Variants in TSPAN5 observed in about 807,000 individuals in gnomAD.
The protein encoded by TSPAN5 is tetraspanin-5.
Under a neutral mutation model 37.1 loss-of-function variants are expected in TSPAN5, and 10 were observed. That is an observed-to-expected ratio of 0.27 (90% CI 0.17 to 0.46). The LOEUF is 0.46. Ranked by LOEUF, TSPAN5 falls within the 20% of genes least tolerant of loss-of-function variation. The probability of loss-of-function intolerance (pLI) is 1.00; values close to 1 mark genes in which losing one functional copy is unlikely to be tolerated. For synonymous variants in TSPAN5, 110 were observed against 118.9 expected (o/e 0.93, Z 0.48); for missense variants, 195 against 326.6 (o/e 0.60, Z 3.11).
intron 1 of TSPAN5, among the ~76,000 whole-genome samples, chr4:98,554,207 T>G (rs1279990394): frequency 6.6e-6 from 1 of 152,214 alleles, no homozygotes; most frequent in Non-Finnish European, 1.5e-5. Context: ...ACTTCAACAA[T>G]AACATTTTCC....
chr4:98,608,168 C>T (rs908527230), intron 1 of TSPAN5, among the ~76,000 whole-genome samples: 4 of 152,166 alleles, frequency 2.6e-5, no homozygotes, highest in African/African-American at 9.7e-5. Flanking sequence ...TTTGAATTCA[C>T]AGGATTCTAG....
At chr4:98,646,132 G>A (rs1268835339) in intron 1 of TSPAN5, among the ~76,000 whole-genome samples, 5 of 151,836 alleles carry the variant, frequency 3.3e-5, no homozygotes, top group South Asian at 4.2e-4. Context: ...AGCTCTCATC[G>A]CATCCCATTA....
chr4:98,536,484 C>A (rs920585937), intron 1 of TSPAN5, among the ~76,000 whole-genome samples: 2 of 152,212 alleles, frequency 1.3e-5, no homozygotes, highest in African/African-American at 4.8e-5. Flanking sequence ...GTCAGGGACC[C>A]ACTTGAGGAG....
intron 1 of TSPAN5, among the ~76,000 whole-genome samples, chr4:98,563,332 T>TA (rs1754919258): frequency 6.6e-6 from 1 of 152,152 alleles, no homozygotes; most frequent in Admixed American, 6.5e-5. Flanking sequence ...AGCTGATCTA[T>TA]AAAAAATCTT....
At chr4:98,612,883 G>A (rs1579030115) in intron 1 of TSPAN5, among the ~76,000 whole-genome samples, 1 of 152,300 alleles carries the variant, frequency 6.6e-6, no homozygotes, top group South Asian at 2.1e-4. Flanking sequence ...CACTTCCTCA[G>A]AGCGGCCTTC....
chr4:98,612,999 T>G (rs1230858801), intron 1 of TSPAN5, among the ~76,000 whole-genome samples: 3 of 152,210 alleles, frequency 2.0e-5, no homozygotes, highest in Non-Finnish European at 2.9e-5. Flanking sequence ...CCCCCTGCAG[T>G]GTTTATCATC....
At chr4:98,562,023 T>A (rs1443422143) in intron 1 of TSPAN5, among the ~76,000 whole-genome samples, 1 of 152,314 alleles carries the variant, frequency 6.6e-6, no homozygotes, top group East Asian at 1.9e-4. Context: ...GTAGGCTCCA[T>A]GATGGCAATG....
At chr4:98,530,780 T>C (rs1754064220) in intron 1 of TSPAN5, among the ~76,000 whole-genome samples, 1 of 151,984 alleles carries the variant, frequency 6.6e-6, no homozygotes, top group Non-Finnish European at 1.5e-5. Flanking sequence ...CTTACTCCAT[T>C]GTCCAGACTG....
chr4:98,472,431 A>T lies in TSPAN5; in HGVS notation c.*91T>A. 1.8e-6 allele frequency: 2 copies of T among 1,093,214 alleles called. No homozygotes were observed. Among genetic ancestry groups the T allele is most frequent in the Non-Finnish European group, 2.7e-6 (2 of 730,748 alleles). 67.7% of individuals were successfully genotyped at this position (1,093,214 alleles called of 1,614,324 possible). On this transcript the variant is annotated 3_prime_UTR_variant, in exon 8 of 8. Coordinates refer to ENST00000305798, the MANE Select transcript of TSPAN5 (RefSeq NM_005723.4). ...GAGACTGCAGGCTGCATCTGTGATT[A>T]GGTCCATGCAGCTCGAAGATCAGTT...
At chr4:98,530,968 A>G (rs1030802202) in intron 1 of TSPAN5, among the ~76,000 whole-genome samples, 2 of 152,188 alleles carry the variant, frequency 1.3e-5, no homozygotes, top group African/African-American at 2.4e-5. Flanking sequence ...GTATAGTGGC[A>G]TGACCATACC....
intron 1 of TSPAN5, among the ~76,000 whole-genome samples, chr4:98,603,272 A>T (rs1279828634): frequency 1.3e-5 from 2 of 152,144 alleles, no homozygotes; most frequent in Non-Finnish European, 2.9e-5. Flanking sequence ...ACTTTGCTTT[A>T]CAGCTTTGTC....
intron 1 of TSPAN5, among the ~76,000 whole-genome samples, chr4:98,544,064 T>G (rs1011021414): frequency 6.6e-6 from 1 of 151,964 alleles, no homozygotes; most frequent in Non-Finnish European, 1.5e-5. Context: ...CCTGTAGTCC[T>G]AGCTACTCGG....
intron 1 of TSPAN5, among the ~76,000 whole-genome samples, chr4:98,653,914 C>T (rs1757244650): frequency 6.6e-6 from 1 of 152,298 alleles, no homozygotes; most frequent in East Asian, 1.9e-4. Context: ...ATTCTTCACC[C>T]TTTGAAATTC....
chr4:98,564,599 T>A (rs1237622941), intron 1 of TSPAN5, among the ~76,000 whole-genome samples: 1 of 152,058 alleles, frequency 6.6e-6, no homozygotes, highest in Non-Finnish European at 1.5e-5. Flanking sequence ...CAAATTGAAA[T>A]GAGGGTAAAT....
chr4:98,599,137 T>A (rs1010906395), intron 1 of TSPAN5, among the ~76,000 whole-genome samples: 2 of 151,714 alleles, frequency 1.3e-5, no homozygotes, highest in African/African-American at 4.8e-5. Flanking sequence ...GCCATTTTAA[T>A]TTTTTTTTAT....
intron 1 of TSPAN5, among the ~76,000 whole-genome samples, chr4:98,542,111 G>A (rs1754372235): frequency 6.6e-6 from 1 of 152,008 alleles, no homozygotes; most frequent in African/African-American, 2.4e-5. Context: ...CTGTGTAAAG[G>A]GATAATAATA....
chr4:98,649,232 G>A (rs557756578), intron 1 of TSPAN5, among the ~76,000 whole-genome samples: 386 of 152,122 alleles, frequency 2.5e-3, no homozygotes, highest in Non-Finnish European at 4.6e-3. Context: ...AGCTTTTCTG[G>A]AGGAAAGAGA....
intron 1 of TSPAN5, among the ~76,000 whole-genome samples, chr4:98,621,430 C>T (rs1168154202): frequency 1.4e-5 from 2 of 146,236 alleles, no homozygotes; most frequent in East Asian, 2.0e-4. Flanking sequence ...TGCAGTGGCG[C>T]GATCTCTGCT....
chr4:98,630,866 C>A (rs1203907384), intron 1 of TSPAN5, among the ~76,000 whole-genome samples: 1 of 152,166 alleles, frequency 6.6e-6, no homozygotes, highest in East Asian at 1.9e-4. Flanking sequence ...GTGCTTAGCA[C>A]AAATAGCGAA....
Sources: gnomAD v4.1 joint callset for allele counts (sites outside exome capture counted in the v4.1 genomes callset) on GRCh38, gnomAD v4.1.1 for gene constraint, MANE v1.5 for transcripts, NCBI Gene and HGNC (gene_info 2026-07-23, HGNC 2026-07-21) for gene names.